FLVCR2: variants seen among roughly 807,000 people sequenced by gnomAD.
The protein encoded by FLVCR2 is FLVCR choline and putative heme transporter 2, also known as choline/ethanolamine transporter FLVCR2.
FLVCR2 carries 38 observed loss-of-function variants against 48.9 expected under a neutral mutation model. The observed-to-expected ratio is 0.78, with a 90% CI of 0.60 to 1.02. The LOEUF (loss-of-function observed/expected upper bound fraction) is 1.02. Ranked by LOEUF, FLVCR2 falls within the 50% of genes least tolerant of loss-of-function variation. FLVCR2 has a pLI of 0.00. For synonymous variants in FLVCR2, 255 were observed against 257.0 expected, an observed-to-expected ratio of 0.99 and a Z score of 0.07; for missense variants, 664 against 663.3, an observed-to-expected ratio of 1.00 and a Z score of -0.01.
chr14:75,637,672 T>C (rs958332004), intron 5 of FLVCR2, among the ~76,000 whole-genome samples: 1 of 142,464 alleles, frequency 7.0e-6, no homozygotes, highest in African/African-American at 2.6e-5. Flanking sequence ...GAGCTTGCAG[T>C]GAGCAGAGAT....
At chr14:75,611,812 G>A (rs774266106) in intron 1 of FLVCR2, among the ~76,000 whole-genome samples, 1 of 152,154 alleles carries the variant, frequency 6.6e-6, no homozygotes, top group Non-Finnish European at 1.5e-5. Flanking sequence ...ACTTCAGGGG[G>A]TAGTTGTGAG....
intron 1 of FLVCR2, among the ~76,000 whole-genome samples, chr14:75,594,798 C>T (rs1302603880): frequency 1.3e-5 from 2 of 151,986 alleles, no homozygotes; most frequent in African/African-American, 2.4e-5. Flanking sequence ...CAGCTCACCT[C>T]AGCCCCAACC....
At position 75,579,447 on chromosome 14, in the gene FLVCR2, G is replaced by A. The variant is rs1157723040; in HGVS notation, c.475G>A (p.Ala159Thr). 3 of 1,613,714 alleles carry A rather than the reference G, an allele frequency of 1.9e-6. No homozygotes were observed. The highest frequency in any genetic ancestry group is 1.7e-6 in the Non-Finnish European group (2 of 1,179,962). ...GLRTIALTGS[A>T]LNCLGAWVKL... ...GCGCACCATTGCTCTCACTGGCTCG[G>A]CTCTCAACTGCCTGGGGGCCTGGGT... Residue 159 changes from alanine to threonine, a missense_variant, in exon 1 of 10, where the codon GCT becomes ACT. By Grantham distance (58) the Ala-to-Thr change is moderately conservative. Coordinates refer to ENST00000238667, the MANE Select transcript of FLVCR2 (RefSeq NM_017791.3).
chr14:75,578,902 C>A lies in FLVCR2; in HGVS notation c.-71C>A. ...TGTCCTTTCAACTCTAAGAGACCAGCAGAGGCCACTGTCCCTTAAGACTGC... is the reference window on the plus strand; with the variant it reads ...TGTCCTTTCAACTCTAAGAGACCAGAAGAGGCCACTGTCCCTTAAGACTGC... On this transcript the variant is annotated 5_prime_UTR_variant, in exon 1 of 10. Coordinates refer to ENST00000238667, the MANE Select transcript of FLVCR2 (RefSeq NM_017791.3). 7.2e-7 allele frequency: 1 copy of A among 1,387,734 alleles called. No individual in the cohort carries two copies. Among genetic ancestry groups the A allele is most frequent in the Non-Finnish European group, 1.0e-6 (1 of 976,198 alleles). 86.0% of individuals were successfully genotyped at this position (1,387,734 alleles called of 1,614,324 possible). A position where few individuals can be genotyped will look rare whatever the true frequency, so the allele number is the denominator to read the frequency against.
In FLVCR2 at chr14:75,579,598, A is replaced by C. The variant is rs750469090; in HGVS notation, c.626A>C (p.Asn209Thr). ...ATCGCTTCCGTCTGGTTCGGGGCTA[A>C]TGAGGTTTCAACAGCCTGCTCCGTG... ...SRIASVWFGA[N>T]EVSTACSVAV... is the part of the protein sequence containing the mutation. Residue 209 changes from asparagine to threonine, a missense_variant, in exon 1 of 10, where the codon AAT becomes ACT. Coordinates refer to ENST00000238667, the MANE Select transcript of FLVCR2 (RefSeq NM_017791.3). 9 of 1,614,086 alleles carry C rather than the reference A, an allele frequency of 5.6e-6. No homozygotes were observed. In the East Asian group the frequency reaches 1.8e-4, roughly 32 times the overall value.
intron 6 of FLVCR2, 101 bp downstream of exon 6, chr14:75,639,563 A>G (rs1890257167): frequency 1.2e-6 from 1 of 826,228 alleles, no homozygotes; most frequent in Non-Finnish European, 2.1e-6. Flanking sequence ...GCTGCCTTCT[A>G]ACTGACCTCA....
At chr14:75,635,189 C>G (rs973440897) in intron 5 of FLVCR2, among the ~76,000 whole-genome samples, 176 bp downstream of exon 5, 1 of 152,144 alleles carries the variant, frequency 6.6e-6, no homozygotes, top group Non-Finnish European at 1.5e-5. Context: ...AAGCTATACC[C>G]GTCTTAAGAT....
At chr14:75,604,553 GTC>G (rs1005336701) in intron 1 of FLVCR2, among the ~76,000 whole-genome samples, 1 of 141,706 alleles carries the variant, frequency 7.1e-6, no homozygotes, top group African/African-American at 2.9e-5. Context: ...TAAGATCCCT[GTC>G]TCTACCTAAA....
rs572512613 is a variant in FLVCR2 at position 75,626,865 on chromosome 14, A to G, written c.952+2113A>G. Reference sequence around the variant, plus strand: ...ACCATAAATCTTGCTGCATCTAACAAGAGGATATTTGAGGCCTACCTGGGA... The same window carrying G: ...ACCATAAATCTTGCTGCATCTAACAGGAGGATATTTGAGGCCTACCTGGGA... On this transcript the variant is annotated intron_variant, in intron 3 of 9. Transcript: ENST00000238667. Among the ~76,000 whole-genome samples the G allele has an allele frequency of 6.5e-4, 99 of 152,002 alleles. 1 individual carries two copies. Among genetic ancestry groups the G allele is most frequent in the South Asian group, 2.1e-3 (10 of 4,826 alleles).
intron 1 of FLVCR2, among the ~76,000 whole-genome samples, chr14:75,586,038 G>C (rs1009292018): frequency 6.6e-6 from 1 of 152,216 alleles, no homozygotes; most frequent in Non-Finnish European, 1.5e-5. Flanking sequence ...GTCTCCTAAA[G>C]AAGTCCCTCT....
At chr14:75,595,249 C>A (rs992266903) in intron 1 of FLVCR2, among the ~76,000 whole-genome samples, 2 of 152,178 alleles carry the variant, frequency 1.3e-5, no homozygotes, top group Admixed American at 6.5e-5. Context: ...ATATTTTATA[C>A]TTATAGATGG....
At chr14:75,639,654 G>A (rs1890259555) in intron 6 of FLVCR2, among the ~76,000 whole-genome samples, 192 bp downstream of exon 6, 1 of 152,130 alleles carries the variant, frequency 6.6e-6, no homozygotes, top group South Asian at 2.1e-4. Flanking sequence ...TGTTCTTTTG[G>A]GATGGAATGA....
chr14:75,585,335 G>C (rs779760695), intron 1 of FLVCR2, among the ~76,000 whole-genome samples: 3 of 152,184 alleles, frequency 2.0e-5, no homozygotes, highest in Non-Finnish European at 2.9e-5. Context: ...TGGACAGATC[G>C]AAAGTGCCAT....
At chr14:75,587,576 G>A (rs1888781315) in intron 1 of FLVCR2, among the ~76,000 whole-genome samples, 1 of 152,218 alleles carries the variant, frequency 6.6e-6, no homozygotes, top group African/African-American at 2.4e-5. Flanking sequence ...GAGGGAAGAT[G>A]AGCCTGGAGA....
intron 1 of FLVCR2, among the ~76,000 whole-genome samples, chr14:75,580,839 G>T (rs1218129097): frequency 6.6e-6 from 1 of 152,150 alleles, no homozygotes; most frequent in Non-Finnish European, 1.5e-5. Flanking sequence ...TTTTTTTGTG[G>T]ATCTTCAGTT....
At chr14:75,624,015 G>C (rs1013539402) in intron 2 of FLVCR2, among the ~76,000 whole-genome samples, 2 of 151,830 alleles carry the variant, frequency 1.3e-5, no homozygotes, top group Non-Finnish European at 2.9e-5. Flanking sequence ...TCACACCACT[G>C]TGCTCCAGCC....
At chr14:75,623,447 G>A (rs917679755) in intron 2 of FLVCR2, among the ~76,000 whole-genome samples, 1 of 152,026 alleles carries the variant, frequency 6.6e-6, no homozygotes, top group Non-Finnish European at 1.5e-5. Context: ...CCTGTCTAAA[G>A]GTTAACCAGC....
Position 75,641,007 on chromosome 14 carries a change from AC to A in FLVCR2, c.1289del (p.Thr430SerfsTer127), listed in dbSNP as rs780803566. On this transcript the variant is annotated frameshift_variant, in exon 7 of 10. Coordinates refer to ENST00000238667, the MANE Select transcript of FLVCR2 (RefSeq NM_017791.3). LOFTEE classifies it high-confidence loss of function. The stretch of plus-strand genomic sequence containing the variant: ...GGGATTTGAGTTTGCTGTGGAGCTC[AC>A]GTACCCAGAATCAGAAGGCATCTCC... ...PLGFEFAVEL[T>X]YPESEGISSG... The A allele has an allele frequency of 6.2e-7, 1 of 1,614,040 alleles. No homozygotes were observed.
chr14:75,633,750 T>C, intron 4 of FLVCR2, 54 bp downstream of exon 4: 1 of 1,404,982 alleles, frequency 7.1e-7, no homozygotes, highest in South Asian at 1.1e-5. Context: ...TTTCTAAGTC[T>C]GTCTTGGCAG....
Sources: allele counts gnomAD v4.1 joint callset (sites outside exome capture counted in the v4.1 genomes callset), GRCh38; gene constraint gnomAD v4.1.1; transcripts MANE v1.5; gene names NCBI Gene and HGNC (gene_info 2026-07-23, HGNC 2026-07-21).